Variants in RGS12 observed in about 807,000 individuals in gnomAD.
RGS12 encodes the protein regulator of G protein signaling 12, also known as regulator of G-protein signaling 12.
A neutral mutation model predicts 120.1 loss-of-function variants in RGS12; 66 were observed. The ratio of observed to expected loss-of-function variants is 0.55; its 90% confidence interval spans 0.45 to 0.67. RGS12 has a LOEUF of 0.67. Among genes scored for constraint, RGS12 ranks in the 30% least tolerant of loss-of-function variants. The pLI, the probability that RGS12 is intolerant of heterozygous loss-of-function variation, is 0.00. For synonymous variants in RGS12, 827 were observed against 804.7 expected (o/e 1.03, Z -0.47); for missense variants, 1,859 against 1,957.7 (o/e 0.95, Z 0.95).
At chr4:3,345,424 A>G (rs1713699629) in intron 3 of RGS12, among the ~76,000 whole-genome samples, 1 of 152,236 alleles carries the variant, frequency 6.6e-6, no homozygotes, top group African/African-American at 2.4e-5. Context: ...ATCTTTCTCC[A>G]AAAGCATAGC....
chr4:3,334,251 G>T (rs904752645), intron 2 of RGS12, among the ~76,000 whole-genome samples: 3 of 152,150 alleles, frequency 2.0e-5, no homozygotes, highest in Non-Finnish European at 4.4e-5. Context: ...TCATGAATAG[G>T]TGTTAAATTT....
rs1398554678 is a variant in RGS12 at position 3,374,875 on chromosome 4, C to T, written c.1999-11541C>T. On this transcript the variant is annotated intron_variant, in intron 3 of 17. Transcript: ENST00000336727. The surrounding 1 kb of genome is among the most constrained non-coding windows in gnomAD (Gnocchi z 6.3). ...ATGGCTTTCTGCCTTGGACTGGGCT[C>T]TGCGGGGCAGGGCTGCCAGTTTGGG... Among the ~76,000 whole-genome samples, 1 of 152,272 alleles carries T rather than the reference C, an allele frequency of 6.6e-6. No homozygotes were observed. Among genetic ancestry groups the T allele is most frequent in the African/African-American group, 2.4e-5 (1 of 41,564 alleles).
rs766959138 is a variant in RGS12, at chr4:3,423,536, C to T, written c.3129C>T (p.Asn1043=). The T allele has an allele frequency of 6.2e-7, 1 of 1,613,160 alleles. No homozygotes were observed. The highest frequency in any genetic ancestry group is 1.1e-5 in the South Asian group (1 of 91,088). Residue 1043 remains asparagine, a synonymous_variant, in exon 13 of 18, where the codon AAC becomes AAT. Coordinates refer to ENST00000336727, the MANE Select transcript of RGS12 (RefSeq NM_001394154.1). ...TLFRLDLVPI[N]RSVGLKAKPT... is the part of the protein sequence containing the mutation. ...CCAGGCTGGATCTTGTTCCGATTAA[C>T]CGGTCAGTGGGACTCAAGGCCAAGC...
At chr4:3,411,829 T>A (rs1294875498) in intron 4 of RGS12, among the ~76,000 whole-genome samples, 1 of 152,264 alleles carries the variant, frequency 6.6e-6, no homozygotes, top group South Asian at 2.1e-4. Flanking sequence ...TGTCCTTCTG[T>A]CCTTGGCCCC....
intron 3 of RGS12, among the ~76,000 whole-genome samples, chr4:3,352,065 A>T (rs1384490964): frequency 6.6e-6 from 1 of 152,250 alleles, no homozygotes; most frequent in Non-Finnish European, 1.5e-5. Flanking sequence ...GTGTTCACAG[A>T]AATTTTAAGC....
Position 3,317,606 on chromosome 4 carries a change from A to T in RGS12, c.1436A>T (p.Asp479Val). ...CCCTGGACTGGGCCCTTCTGTCCGG[A>T]CCCCGAAGGGAGCCCCCCATTTGAG... The part of the protein sequence containing the change: ...GAPWTGPFCP[D>V]PEGSPPFEAA... The change falls in exon 2 of 18, where the codon GAC (aspartate) becomes GTC (valine). Residue 479 changes from aspartate to valine, a missense_variant. Coordinates refer to ENST00000336727, the MANE Select transcript of RGS12 (RefSeq NM_001394154.1). 1 of 1,587,606 alleles carries T rather than the reference A, an allele frequency of 6.3e-7. No individual in the cohort carries two copies. The highest frequency in any genetic ancestry group is 1.7e-5 in the Admixed American group (1 of 57,918).
intron 9 of RGS12, chr4:3,419,217 G>A (rs1722733535): frequency 6.6e-6 from 1 of 152,052 alleles, no homozygotes; most frequent in Non-Finnish European, 1.5e-5. Context: ...TGTAATCCCA[G>A]CTACTCAGGA....
At chr4:3,406,680 C>T (rs1314739433) in intron 4 of RGS12, among the ~76,000 whole-genome samples, 3 of 152,184 alleles carry the variant, frequency 2.0e-5, no homozygotes, top group African/African-American at 7.2e-5. Flanking sequence ...GTGGTGTTAG[C>T]GGATGTTTCC....
At chr4:3,329,505 A>G (rs1234336817) in intron 2 of RGS12, among the ~76,000 whole-genome samples, 2 of 152,136 alleles carry the variant, frequency 1.3e-5, no homozygotes, top group African/African-American at 4.8e-5. Flanking sequence ...GACCAAACCA[A>G]GTGACACCTG....
intron 1 of RGS12, among the ~76,000 whole-genome samples, chr4:3,295,404 T>TA (rs1181980898): frequency 2.0e-5 from 3 of 152,062 alleles, no homozygotes; most frequent in Non-Finnish European, 4.4e-5. Flanking sequence ...TTAACGCCTG[T>TA]AATACCAGCA....
intron 4 of RGS12, among the ~76,000 whole-genome samples, chr4:3,388,083 C>T (rs916188): frequency 5.3e-5 from 8 of 152,142 alleles, no homozygotes; most frequent in Admixed American, 6.5e-5. Context: ...CCTGGCCACG[C>T]AGAGATCCCC....
chr4:3,349,032 C>G (rs905802229), intron 3 of RGS12, among the ~76,000 whole-genome samples: 2 of 152,186 alleles, frequency 1.3e-5, no homozygotes, highest in Non-Finnish European at 2.9e-5. Flanking sequence ...AAACATACTT[C>G]AGAATTAAAA....
chr4:3,349,682 G>T (rs901321232), intron 3 of RGS12, among the ~76,000 whole-genome samples: 11 of 151,854 alleles, frequency 7.2e-5, no homozygotes, highest in African/African-American at 2.7e-4. Flanking sequence ...GTAATTTTTA[G>T]TGAAAACCTT....
intron 2 of RGS12, among the ~76,000 whole-genome samples, chr4:3,323,309 C>T (rs1206784892): frequency 6.6e-6 from 1 of 152,230 alleles, no homozygotes; most frequent in East Asian, 1.9e-4. Flanking sequence ...TGACGACATA[C>T]CCAAAGGTAC....
intron 1 of RGS12, among the ~76,000 whole-genome samples, chr4:3,302,493 G>A (rs1723741235): frequency 6.6e-6 from 1 of 152,250 alleles, no homozygotes; most frequent in Non-Finnish European, 1.5e-5. Flanking sequence ...CAAAACCACA[G>A]AGACACGGGC....
At chr4:3,380,383 T>G (rs1718134168) in intron 3 of RGS12, among the ~76,000 whole-genome samples, 1 of 152,220 alleles carries the variant, frequency 6.6e-6, no homozygotes, top group Non-Finnish European at 1.5e-5. Flanking sequence ...TGTTGGTGGA[T>G]CTACCATTTT....
At chr4:3,286,734 G>A in the RGS12 span, among the ~76,000 whole-genome samples, 34 of 152,226 alleles carry the variant, frequency 2.2e-4, no homozygotes, top group Non-Finnish European at 4.3e-4. Context: ...GGCTCAGCGG[G>A]AACGTGTTCC....
At chr4:3,413,518 C>G (rs559164933) in intron 4 of RGS12, 1 of 152,886 alleles carries the variant, frequency 6.5e-6, no homozygotes, top group East Asian at 1.9e-4. Context: ...GGCTTCGCAT[C>G]CGGAAGGTGA....
At position 3,352,711 on chromosome 4, in the gene RGS12, G is replaced by A. The variant is rs115577882; in HGVS notation, c.1998+9658G>A. On this transcript the variant is annotated intron_variant, in intron 3 of 17. Coordinates refer to ENST00000336727, the MANE Select transcript of RGS12 (RefSeq NM_001394154.1). ...AGGCAGTTGCTAGGCAGATGTCCTC[G>A]CAGAAGTAATTTGCGTATGTGTGTA... 8.9e-3 allele frequency among the ~76,000 whole-genome samples: 1,348 copies of A among 152,278 alleles called. 35 individuals are homozygous for A. Among genetic ancestry groups the A allele is most frequent in the African/African-American group, 0.031 (1,275 of 41,564 alleles).
Sources: gnomAD v4.1 joint callset for allele counts (sites outside exome capture counted in the v4.1 genomes callset) on GRCh38, gnomAD v4.1.1 for gene constraint, Gnocchi (gnomAD v3.1) non-coding constraint, MANE v1.5 for transcripts, NCBI Gene and HGNC (gene_info 2026-07-23, HGNC 2026-07-21) for gene names.